The following NTRK2 variants were observed in gnomAD, a reference collection of about 807,000 sequenced individuals.
NTRK2 encodes neurotrophic receptor tyrosine kinase 2.
Under a neutral mutation model 94.5 loss-of-function variants are expected in NTRK2, and 13 were observed. That is an observed-to-expected ratio of 0.14 (90% CI 0.09 to 0.22). The LOEUF (loss-of-function observed/expected upper bound fraction) is 0.22. Among genes scored for constraint, NTRK2 ranks in the 10% least tolerant of loss-of-function variants. The pLI is 1.00. For missense variants in NTRK2, 639 were observed against 1,071.2 expected, an observed-to-expected ratio of 0.60 and a Z score of 5.63; for synonymous variants, 372 against 407.4, an observed-to-expected ratio of 0.91 and a Z score of 1.05.
intron 14 of NTRK2, among the ~76,000 whole-genome samples, chr9:84,925,871 C>G (rs2077747330): frequency 6.6e-6 from 1 of 152,184 alleles, no homozygotes; most frequent in African/African-American, 2.4e-5. Context: ...AATAGCTCCC[C>G]AGGACTCACA....
chr9:84,727,785 T>C lies in NTRK2; in HGVS notation c.985T>C (p.Tyr329His). The change falls in exon 9 of 19, where the codon TAC (tyrosine) becomes CAC (histidine). Residue 329 changes from tyrosine to histidine, a missense_variant. By Grantham distance (83) the Tyr-to-His change is moderately conservative. Around this residue, in one of 5 missense-constraint regions of NTRK2, gnomAD observed 343 missense variants for 571.5 expected, o/e 0.60. Coordinates refer to ENST00000277120, the MANE Select transcript of NTRK2 (RefSeq NM_006180.6). ...CGGGGCAATATTGAATGAGTCCAAATACATCTGTACTAAAATACATGTTAC... is the reference window on the plus strand; with the variant it reads ...CGGGGCAATATTGAATGAGTCCAAACACATCTGTACTAAAATACATGTTAC... The part of the protein sequence containing the change: ...YNGAILNESK[Y>H]ICTKIHVTNH... 6.2e-7 allele frequency: 1 copy of C among 1,614,206 alleles called. No individual in the cohort carries two copies.
At chr9:84,704,672 T>C (rs1051763379) in intron 4 of NTRK2, among the ~76,000 whole-genome samples, 1 of 152,196 alleles carries the variant, frequency 6.6e-6, no homozygotes, top group Non-Finnish European at 1.5e-5. Context: ...ATGTCAATCA[T>C]TGATCAAATT....
intron 12 of NTRK2, among the ~76,000 whole-genome samples, chr9:84,798,608 G>A (rs1381665596): frequency 6.6e-6 from 1 of 152,108 alleles, no homozygotes; most frequent in African/African-American, 2.4e-5. Context: ...AAGAAAATGG[G>A]CTATAGGGTC....
At chr9:84,945,327 G>A (rs1260754493) in intron 15 of NTRK2, among the ~76,000 whole-genome samples, 1 of 152,118 alleles carries the variant, frequency 6.6e-6, no homozygotes, top group Non-Finnish European at 1.5e-5. Context: ...CAGGCAGCAG[G>A]TGATAAAAGG....
chr9:84,955,515 A>T lies in NTRK2; in HGVS notation c.2170A>T (p.Arg724Trp). The change falls in exon 17 of 19, where the codon AGG (arginine) becomes TGG (tryptophan). Residue 724 changes from arginine (R) to tryptophan (W), a missense_variant and splice_region_variant. Physicochemically the swap from Arg to Trp is moderately radical, Grantham distance 101. Around this residue, in one of 5 missense-constraint regions of NTRK2, gnomAD observed 77 missense variants for 203.6 expected, o/e 0.38. Transcript: ENST00000277120. The stretch of plus-strand genomic sequence containing the variant: ...GGACGTGTACAGCACTGACTACTAC[A>T]GGGTGAGTAGCTGTGCAGATCAGAG... ...SRDVYSTDYY[R>W]VGGHTMLPIR... The T allele has an allele frequency of 1.2e-6, 2 of 1,612,318 alleles. No individual in the cohort carries two copies. The highest frequency in any genetic ancestry group is 1.7e-6 in the Non-Finnish European group (2 of 1,178,458).
chr9:84,796,913 A>C (rs959027229), intron 12 of NTRK2, among the ~76,000 whole-genome samples: 8 of 152,158 alleles, frequency 5.3e-5, no homozygotes, highest in Non-Finnish European at 8.8e-5. Flanking sequence ...ACTTGCCAAA[A>C]CATGCTGGAA....
chr9:84,824,332 G>A (rs189244920), intron 12 of NTRK2, among the ~76,000 whole-genome samples: 2 of 152,326 alleles, frequency 1.3e-5, no homozygotes, highest in East Asian at 3.9e-4. Context: ...GACAGGCTGA[G>A]CCAGAATTCA....
chr9:84,822,140 C>T (rs17087734), intron 12 of NTRK2, among the ~76,000 whole-genome samples: 11,777 of 152,114 alleles, frequency 0.077, 676 homozygotes, highest in African/African-American at 0.16. Flanking sequence ...ATCAGAGAGT[C>T]TTTTTCTAGT....
intron 12 of NTRK2, among the ~76,000 whole-genome samples, chr9:84,801,301 A>C (rs756787470): frequency 5.3e-5 from 8 of 152,230 alleles, no homozygotes; most frequent in Non-Finnish European, 1.0e-4. Context: ...AACCAGCGGC[A>C]GGTGGGTTTC....
intron 9 of NTRK2, among the ~76,000 whole-genome samples, chr9:84,737,029 A>C (rs530411639): frequency 6.6e-6 from 1 of 152,382 alleles, no homozygotes; most frequent in Admixed American, 6.5e-5. Context: ...TTGCCTTATC[A>C]TATGGAATTC....
intron 4 of NTRK2, among the ~76,000 whole-genome samples, chr9:84,703,823 AT>A (rs1182154057): frequency 6.6e-6 from 1 of 152,212 alleles, no homozygotes; most frequent in African/African-American, 2.4e-5. Flanking sequence ...TTTTGGAATC[AT>A]TTTTGCAGTC....
At chr9:84,750,097 C>T (rs1564186209) in intron 11 of NTRK2, among the ~76,000 whole-genome samples, 2 of 152,118 alleles carry the variant, frequency 1.3e-5, no homozygotes, top group Admixed American at 6.6e-5. Flanking sequence ...GTTCCTCAAC[C>T]TTGGCACTAT....
chr9:84,836,144 G>C (rs977869082), intron 12 of NTRK2, among the ~76,000 whole-genome samples: 2 of 152,186 alleles, frequency 1.3e-5, no homozygotes, highest in Non-Finnish European at 2.9e-5. Context: ...AAGTAAAATT[G>C]TTAAAATATG....
chr9:84,940,478 C>T (rs2078370108), intron 15 of NTRK2, among the ~76,000 whole-genome samples: 1 of 152,220 alleles, frequency 6.6e-6, no homozygotes. Flanking sequence ...ACTGCCCACA[C>T]TGCCTCCATG....
intron 14 of NTRK2, chr9:84,873,858 C>A (rs2075964828): frequency 2.8e-6 from 3 of 1,059,200 alleles, no homozygotes; most frequent in Non-Finnish European, 3.4e-6. Context: ...AGCTTGGTGT[C>A]TGAAAAGAAA....
intron 12 of NTRK2, among the ~76,000 whole-genome samples, chr9:84,768,647 T>A (rs2066249411): frequency 6.6e-6 from 1 of 152,194 alleles, no homozygotes. Flanking sequence ...ATCATGACTT[T>A]TGTTTTGACG....
rs1368720229 is a variant in NTRK2, at chr9:85,026,484, A to G, written c.*5047A>G. 3 of 232,374 alleles carry G rather than the reference A, an allele frequency of 1.3e-5. No individual in the cohort carries two copies. Among genetic ancestry groups the G allele is most frequent in the Non-Finnish European group, 2.6e-5 (3 of 117,602 alleles). The allele number at this position is 232,374 out of a possible 1,614,324, so 14.4% of individuals were successfully genotyped here. On this transcript the variant is annotated 3_prime_UTR_variant, in exon 19 of 19. Transcript: ENST00000277120. ...TATCTTGCAGCTTGTATATCTTACT[A>G]TTGCTTAAAAAATGTATAAAGCAGC...
chr9:84,727,136 C>A (rs1588192737), intron 8 of NTRK2, among the ~76,000 whole-genome samples: 1 of 152,158 alleles, frequency 6.6e-6, no homozygotes, highest in Admixed American at 6.5e-5. Context: ...TCAGCAGCAA[C>A]ATTTATTGCA....
chr9:84,673,639 T>C (rs771384659), intron 2 of NTRK2, among the ~76,000 whole-genome samples: 1 of 152,206 alleles, frequency 6.6e-6, no homozygotes, highest in Non-Finnish European at 1.5e-5. Flanking sequence ...AGAACACAAA[T>C]AGTGGGACAT....
Sources: gnomAD v4.1 joint callset for allele counts (sites outside exome capture counted in the v4.1 genomes callset) on GRCh38, gnomAD v4.1.1 for gene constraint, gnomAD v4.1.1 regional missense constraint, MANE v1.5 for transcripts, NCBI Gene and HGNC (gene_info 2026-07-23, HGNC 2026-07-21) for gene names.